The following DAPK1 variants were observed in gnomAD, a reference collection of about 807,000 sequenced individuals.
DAPK1 encodes the protein death associated protein kinase 1, also known as death-associated protein kinase 1.
In DAPK1, 56 loss-of-function variants were observed where a neutral mutation model predicts 144.9. That is an observed-to-expected ratio of 0.39 (90% confidence interval 0.31 to 0.48). The LOEUF (loss-of-function observed/expected upper bound fraction) is 0.48, where lower values mean the gene tolerates loss of function less well. DAPK1 is among the 20% of genes least tolerant of loss of function. The pLI is 0.95. For missense variants in DAPK1, 1,454 were observed against 1,875.4 expected, an observed-to-expected ratio of 0.78 and a Z score of 4.15; for synonymous variants, 690 against 749.0, an observed-to-expected ratio of 0.92 and a Z score of 1.29.
chr9:87,534,258 G>T (rs114437131), intron 2 of DAPK1, among the ~76,000 whole-genome samples: 140 of 145,552 alleles, frequency 9.6e-4, no homozygotes, highest in South Asian at 1.7e-3. Flanking sequence ...TTTTTTTTTT[G>T]TTTTTTTTTT....
chr9:87,604,995 C>A lies in DAPK1; in HGVS notation c.104C>A (p.Thr35Asn), dbSNP rs757592042. 6.2e-7 allele frequency: 1 copy of A among 1,614,134 alleles called. No individual in the cohort carries two copies. The highest frequency in any genetic ancestry group is 1.1e-5 in the South Asian group (1 of 91,068). ...GTGAAGAAATGCCGTGAGAAAAGCA[C>A]CGGCCTCCAGTATGCCGCCAAATTC... ...AVVKKCREKS[T>N]GLQYAAKFIK... The change falls in exon 3 of 26, where the codon ACC becomes AAC. Residue 35 changes from threonine (T) to asparagine (N), a missense_variant. This residue lies in a region of DAPK1 where 429 missense variants were observed against 637.5 expected (regional missense o/e 0.67). Coordinates refer to ENST00000408954, the MANE Select transcript of DAPK1 (RefSeq NM_004938.4).
At chr9:87,607,837 T>G (rs1828787247) in intron 3 of DAPK1, among the ~76,000 whole-genome samples, 1 of 152,168 alleles carries the variant, frequency 6.6e-6, no homozygotes, top group Non-Finnish European at 1.5e-5. Context: ...TTTGTATTAG[T>G]CCATTCTCAC....
At position 87,651,732 on chromosome 9, in the gene DAPK1, C is replaced by A. The variant is rs1197703224; in HGVS notation, c.1824+8C>A. On this transcript the variant is annotated splice_region_variant and intron_variant, in intron 17 of 25. Coordinates refer to ENST00000408954, the MANE Select transcript of DAPK1 (RefSeq NM_004938.4). ...TTGGACATCTCCAACAAGGTATGCA[C>A]AGAGAACAGGATCCCTACAGCTTCC... is the stretch of plus-strand genomic sequence containing the variant. The A allele has an allele frequency of 3.1e-6, 5 of 1,612,820 alleles. No individual in the cohort carries two copies. Among genetic ancestry groups the A allele is most frequent in the Non-Finnish European group, 4.2e-6 (5 of 1,179,208 alleles).
intron 18 of DAPK1, among the ~76,000 whole-genome samples, chr9:87,665,520 A>T (rs949211942): frequency 6.6e-6 from 1 of 152,230 alleles, no homozygotes; most frequent in African/African-American, 2.4e-5. Context: ...GGGGATACAC[A>T]AATAGGTTTC....
At chr9:87,518,108 T>TTTG (rs1343043830) in intron 2 of DAPK1, among the ~76,000 whole-genome samples, 1 of 26,460 alleles carries the variant, frequency 3.8e-5, no homozygotes, top group Admixed American at 7.0e-4. Flanking sequence ...TGTTGTTGTT[T>TTTG]TTTTTTTTTT....
rs1339507253 is a variant in DAPK1 at position 87,640,381 on chromosome 9, A to G, written c.713A>G (p.Asp238Gly). The change falls in exon 8 of 26, where the codon GAT (aspartate) becomes GGT (glycine). Residue 238 changes from aspartate to glycine, a missense_variant. By Grantham distance (94) the Asp-to-Gly change is moderately conservative. This residue lies in a region of DAPK1 where 429 missense variants were observed against 637.5 expected (regional missense o/e 0.67). Coordinates refer to ENST00000408954, the MANE Select transcript of DAPK1 (RefSeq NM_004938.4). ...TCCGCTGTCAACTACGAATTTGAGG[A>G]TGAATACTTCAGTAATACCAGTGCC... ...NVSAVNYEFEDEYFSNTSALA... is the reference protein window; with the variant it reads ...NVSAVNYEFEGEYFSNTSALA... 5.6e-6 allele frequency: 9 copies of G among 1,614,112 alleles called. No individual in the cohort carries two copies. Among genetic ancestry groups the G allele is most frequent in the Non-Finnish European group, 7.6e-6 (9 of 1,180,034 alleles).
At position 87,499,136 on chromosome 9, in the gene DAPK1, G is replaced by T. The variant is rs554925684; in HGVS notation, c.59G>T (p.Gly20Val). 6.2e-7 allele frequency: 1 copy of T among 1,613,712 alleles called. No homozygotes were observed. The highest frequency in any genetic ancestry group is 8.5e-7 in the Non-Finnish European group (1 of 1,179,648). ...DDYYDTGEEL[G>V]SGQFAVVKKC... is the part of the protein sequence containing the mutation. The stretch of plus-strand genomic sequence containing the variant: ...TACTACGACACCGGCGAGGAACTTG[G>T]CAGGTAAAGGGGGTACCAGAAGCGT... The change falls in exon 2 of 26, where the codon GGC (glycine) becomes GTC (valine). Residue 20 changes from glycine (G) to valine (V), a missense_variant. Coordinates refer to ENST00000408954, the MANE Select transcript of DAPK1 (RefSeq NM_004938.4).
intron 3 of DAPK1, among the ~76,000 whole-genome samples, chr9:87,606,595 T>TCCTC (rs1267406114): frequency 4.3e-4 from 33 of 77,118 alleles, no homozygotes; most frequent in African/African-American, 1.5e-3. Context: ...CTTCCTTCCT[T>TCCTC]CCTCCCTCCC....
intron 3 of DAPK1, among the ~76,000 whole-genome samples, chr9:87,627,487 C>G (rs574436112): frequency 2.6e-5 from 4 of 152,228 alleles, no homozygotes; most frequent in East Asian, 1.9e-4. Flanking sequence ...CCACCCACCC[C>G]CTTTGCTTGC....
In DAPK1 at chr9:87,706,308, G is replaced by A; in HGVS notation, c.3237G>A (p.Glu1079=). The change falls in exon 26 of 26, where the codon GAG becomes GAA. Residue 1079 remains glutamate, a synonymous_variant. Transcript: ENST00000408954. The surrounding 1 kb of genome is among the most constrained non-coding windows in gnomAD (Gnocchi z 9.0). ...GCCTGGTGCCCGACAGCGACGTGGA[G>A]GAGCTGCTGCAGATCCTCGATGCCA... ...IQRLVPDSDV[E]ELLQILDAMD... The A allele has an allele frequency of 6.2e-7, 1 of 1,610,558 alleles. No individual in the cohort carries two copies. The highest frequency in any genetic ancestry group is 8.5e-7 in the Non-Finnish European group (1 of 1,178,112).
At chr9:87,518,257 G>A (rs1008471765) in intron 2 of DAPK1, among the ~76,000 whole-genome samples, 1 of 150,116 alleles carries the variant, frequency 6.7e-6, no homozygotes, top group African/African-American at 2.5e-5. Context: ...GATTACAGGC[G>A]TGCCCCACCA....
chr9:87,634,850 C>CT (rs1419881802), intron 3 of DAPK1, among the ~76,000 whole-genome samples: 6 of 152,218 alleles, frequency 3.9e-5, no homozygotes, highest in African/African-American at 1.4e-4. Context: ...GGAATGGGCT[C>CT]TACCCACCCC....
chr9:87,668,890 T>C (rs1343983528), intron 19 of DAPK1: 2 of 525,904 alleles, frequency 3.8e-6, no homozygotes, highest in South Asian at 2.2e-5. Flanking sequence ...TCATTTAGCA[T>C]GTTTGCAGTT....
intron 19 of DAPK1, among the ~76,000 whole-genome samples, chr9:87,676,117 C>T (rs1007511993): frequency 2.0e-5 from 3 of 152,166 alleles, no homozygotes; most frequent in African/African-American, 7.2e-5. Flanking sequence ...TCGGTGGCAC[C>T]ATAGTCCCCT....
chr9:87,563,863 C>T (rs556985760), intron 2 of DAPK1, among the ~76,000 whole-genome samples: 2 of 152,262 alleles, frequency 1.3e-5, no homozygotes, highest in African/African-American at 2.4e-5. Flanking sequence ...CCATTTGGGC[C>T]CCTAAGGTTG....
Position 87,533,963 on chromosome 9 carries a change from G to A in DAPK1, c.62+34824G>A, listed in dbSNP as rs148899845. ...CAGGTGTGAGCCACTGCACCTGGCC[G>A]AGTCCACTCATTTTCTAACAGCAGT... On this transcript the variant is annotated intron_variant, in intron 2 of 25. Transcript: ENST00000408954. Among the ~76,000 whole-genome samples, 4 of 152,272 alleles carry A rather than the reference G, an allele frequency of 2.6e-5. No individual in the cohort carries two copies. In the East Asian group the frequency reaches 5.8e-4, roughly 22 times the overall value.
chr9:87,697,881 G>C (rs1270329377), intron 22 of DAPK1, among the ~76,000 whole-genome samples: 1 of 152,188 alleles, frequency 6.6e-6, no homozygotes, highest in Non-Finnish European at 1.5e-5. Context: ...TTGAACCTGG[G>C]AGGCTGTGGC....
rs1825642230 is a variant in DAPK1 at position 87,706,494 on chromosome 9, A to G, written c.3423A>G (p.Pro1141=). ...CCGTGGAACACCTCACCCCCTTCCCATGTGGCATCTTTCACAAGGTCCAGG... is the reference window on the plus strand; with the variant it reads ...CCGTGGAACACCTCACCCCCTTCCCGTGTGGCATCTTTCACAAGGTCCAGG... ...IVPVEHLTPF[P]CGIFHKVQVN... The change falls in exon 26 of 26, where the codon CCA becomes CCG. Residue 1141 remains proline, a synonymous_variant. Coordinates refer to ENST00000408954, the MANE Select transcript of DAPK1 (RefSeq NM_004938.4). The surrounding 1 kb of genome is among the most constrained non-coding windows in gnomAD (Gnocchi z 9.0). The G allele has an allele frequency of 6.2e-7, 1 of 1,614,118 alleles. No homozygotes were observed. The highest frequency in any genetic ancestry group is 2.2e-5 in the East Asian group (1 of 44,866).
chr9:87,544,608 T>A (rs1457568356), intron 2 of DAPK1, among the ~76,000 whole-genome samples: 5 of 152,190 alleles, frequency 3.3e-5, no homozygotes, highest in Admixed American at 6.5e-5. Flanking sequence ...TGAAAATTAT[T>A]ATTTTTGTGA....
Sources: allele counts gnomAD v4.1 joint callset (sites outside exome capture counted in the v4.1 genomes callset), GRCh38; gene constraint gnomAD v4.1.1; regional missense constraint gnomAD v4.1.1; non-coding constraint Gnocchi (gnomAD v3.1); transcripts MANE v1.5; gene names NCBI Gene and HGNC (gene_info 2026-07-23, HGNC 2026-07-21).